The following WDFY3 variants were observed in gnomAD, a reference collection of about 807,000 sequenced individuals.
WDFY3 encodes the protein WD repeat and FYVE domain containing 3, also known as WD repeat and FYVE domain-containing protein 3.
A neutral mutation model predicts 409.6 loss-of-function variants in WDFY3; 66 were observed. The ratio of observed to expected loss-of-function variants is 0.16; its 90% confidence interval spans 0.13 to 0.20. The LOEUF is 0.20. Among genes scored for constraint, WDFY3 ranks in the 10% least tolerant of loss-of-function variants. The pLI is 1.00. For synonymous variants in WDFY3, 1,521 were observed against 1,537.1 expected (o/e 0.99, Z 0.25); for missense variants, 3,031 against 4,298.1 (o/e 0.71, Z 8.24).
chr4:84,670,037 A>C lies in WDFY3; in HGVS notation c.*2831T>G, dbSNP rs1489255568. ...AACAAAATGTATTTAAATGATACAA[A>C]GCAAAAATAAGTTTCTACCAACTTT... On this transcript the variant is annotated 3_prime_UTR_variant, in exon 68 of 68. Transcript: ENST00000295888. 6.6e-6 allele frequency: 1 copy of C among 152,668 alleles called. No individual in the cohort carries two copies. Among genetic ancestry groups the C allele is most frequent in the Non-Finnish European group, 1.5e-5 (1 of 68,042 alleles). 9.5% of individuals were successfully genotyped at this position (152,668 alleles called of 1,614,324 possible). A position where few individuals can be genotyped will look rare whatever the true frequency, so the allele number is the denominator to read the frequency against.
In WDFY3 at chr4:84,733,364, T is replaced by G; in HGVS notation, c.7221+18A>C. ...AACTTGAAAGAGCCATTGTGATCAT[T>G]GAATTCTGCATACTCACCGCCACAT... On this transcript the variant is annotated intron_variant, in intron 44 of 67. Coordinates refer to ENST00000295888, the MANE Select transcript of WDFY3 (RefSeq NM_014991.6). The G allele has an allele frequency of 6.2e-7, 1 of 1,609,244 alleles. No individual in the cohort carries two copies. Among genetic ancestry groups the G allele is most frequent in the Admixed American group, 1.7e-5 (1 of 59,536 alleles).
chr4:84,925,599 T>A (rs1031042727), intron 2 of WDFY3, among the ~76,000 whole-genome samples: 1 of 152,204 alleles, frequency 6.6e-6, no homozygotes, highest in African/African-American at 2.4e-5. Flanking sequence ...TTAACTAGAT[T>A]GTTGTTTGAA....
At chr4:84,808,648 A>G (rs1267590833) in intron 14 of WDFY3, among the ~76,000 whole-genome samples, 1 of 152,218 alleles carries the variant, frequency 6.6e-6, no homozygotes, top group Non-Finnish European at 1.5e-5. Flanking sequence ...CATCTGTTAA[A>G]CAGGGTGCTC....
intron 40 of WDFY3, 103 bp downstream of exon 40, chr4:84,738,907 G>A: frequency 8.7e-7 from 1 of 1,145,838 alleles, no homozygotes; most frequent in South Asian, 1.3e-5. Flanking sequence ...TGGGAGAGTT[G>A]CTATCAATGC....
chr4:84,933,040 T>G (rs553638041), intron 1 of WDFY3, among the ~76,000 whole-genome samples: 1 of 152,290 alleles, frequency 6.6e-6, no homozygotes, highest in East Asian at 1.9e-4. Flanking sequence ...GTCAAACACA[T>G]TTTGGTCCTA....
In WDFY3 at chr4:84,875,302, ACACAG is replaced by A. The variant is rs1354531675; in HGVS notation, c.-31-14685_-31-14681del. Among the ~76,000 whole-genome samples, 41 of 151,732 alleles carry A rather than the reference ACACAG, an allele frequency of 2.7e-4. No homozygotes were observed. In the South Asian group the frequency reaches 8.1e-3, roughly 30 times the overall value. On this transcript the variant is annotated intron_variant, in intron 3 of 67. Coordinates refer to ENST00000295888, the MANE Select transcript of WDFY3 (RefSeq NM_014991.6). ...CACACACACACACACACACACACAC[ACACAG>A]AACATACAGTAAAAATACTGTAGAA...
chr4:84,707,003 C>A (rs941734624), intron 53 of WDFY3, among the ~76,000 whole-genome samples: 13 of 148,870 alleles, frequency 8.7e-5, no homozygotes, highest in African/African-American at 3.2e-4. Flanking sequence ...CAGTGGCACA[C>A]TCTCAGCTCA....
rs1740510796 is a variant in WDFY3 at position 84,751,496 on chromosome 4, T to C, written c.5960A>G (p.Asp1987Gly). The C allele has an allele frequency of 6.2e-7, 1 of 1,613,966 alleles. No individual in the cohort carries two copies. The highest frequency in any genetic ancestry group is 1.7e-5 in the Admixed American group (1 of 59,992). ...CTTTTTCTTTACCTCCAACAAAAGA[T>C]CAATTAGTGGAGTTTGCTTGCTGGC... ...TPASKQTPLIDLLLEASPERS... is the reference protein window; with the variant it reads ...TPASKQTPLIGLLLEASPERS... Residue 1987 changes from aspartate to glycine, a missense_variant, in exon 36 of 68, where the codon GAT becomes GGT. By Grantham distance (94) the Asp-to-Gly change is moderately conservative. Coordinates refer to ENST00000295888, the MANE Select transcript of WDFY3 (RefSeq NM_014991.6).
intron 21 of WDFY3, 122 bp downstream of exon 21, chr4:84,794,397 T>C (rs1292267082): frequency 4.0e-6 from 4 of 989,678 alleles, no homozygotes; most frequent in Non-Finnish European, 5.8e-6. Context: ...TTTATGTAAC[T>C]TGTTCTATGC....
At chr4:84,945,723 G>C (rs551590106) in intron 1 of WDFY3, among the ~76,000 whole-genome samples, 21 of 152,286 alleles carry the variant, frequency 1.4e-4, no homozygotes, top group African/African-American at 5.1e-4. Context: ...GAACACACTG[G>C]ATGTGGGAAC....
chr4:84,923,682 T>C (rs1045842647), intron 2 of WDFY3, among the ~76,000 whole-genome samples: 11 of 152,204 alleles, frequency 7.2e-5, no homozygotes, highest in African/African-American at 1.2e-4. Context: ...GCTGGTTCTA[T>C]ACACCATGCC....
In WDFY3 at chr4:84,741,931, A is replaced by G; in HGVS notation, c.6074-10T>C. The G allele has an allele frequency of 6.4e-7, 1 of 1,569,162 alleles. No individual in the cohort carries two copies. The highest frequency in any genetic ancestry group is 2.3e-5 in the East Asian group (1 of 44,118). ...AGAGATGCATCTTCCCCTAAATTCCAGTAGGAAAAAAAGTCTAAGAAAATT... is the reference window on the plus strand; with the variant it reads ...AGAGATGCATCTTCCCCTAAATTCCGGTAGGAAAAAAAGTCTAAGAAAATT... On this transcript the variant is annotated splice_polypyrimidine_tract_variant and intron_variant, in intron 37 of 67. Transcript: ENST00000295888.
intron 50 of WDFY3, 80 bp from the exon 51 acceptor site, chr4:84,713,319 GT>G: frequency 1.5e-6 from 2 of 1,322,418 alleles, no homozygotes; most frequent in Non-Finnish European, 2.2e-6. Flanking sequence ...AGGACGATTC[GT>G]TTAGATTTTC....
intron 12 of WDFY3, among the ~76,000 whole-genome samples, chr4:84,818,156 C>T (rs1753577893): frequency 6.6e-6 from 1 of 152,102 alleles, no homozygotes. Context: ...TCATCCCCTA[C>T]CATATAGAGG....
At chr4:84,825,727 T>C (rs557773608) in intron 10 of WDFY3, among the ~76,000 whole-genome samples, 1 of 152,222 alleles carries the variant, frequency 6.6e-6, no homozygotes, top group Admixed American at 6.5e-5. Context: ...AAATATGTAT[T>C]ACAAATTTAA....
At chr4:84,868,198 AAAAAAAAAG>A in intron 3 of WDFY3, among the ~76,000 whole-genome samples, 1 of 149,870 alleles carries the variant, frequency 6.7e-6, no homozygotes, top group African/African-American at 2.4e-5. Flanking sequence ...AAAAAAAAAA[AAAAAAAAAG>A]ATTTATAAGC....
intron 10 of WDFY3, among the ~76,000 whole-genome samples, chr4:84,822,780 C>T (rs565583107): frequency 3.7e-4 from 57 of 152,246 alleles, no homozygotes; most frequent in African/African-American, 1.3e-3. Flanking sequence ...CTTAAAAACA[C>T]AGGAAATTTA....
intron 17 of WDFY3, among the ~76,000 whole-genome samples, chr4:84,800,108 T>C (rs1750248921): frequency 6.6e-6 from 1 of 152,186 alleles, no homozygotes; most frequent in South Asian, 2.1e-4. Flanking sequence ...ATGGATGAAG[T>C]GAGTAGGTCC....
At position 84,773,047 on chromosome 4, in the gene WDFY3, T is replaced by C. The variant is rs76311385; in HGVS notation, c.4755-118A>G. 5.5e-6 allele frequency: 4 copies of C among 723,208 alleles called. No homozygotes were observed. In the African/African-American group the frequency reaches 5.6e-5, roughly 10 times the overall value. The allele number at this position is 723,208 out of a possible 1,614,324, so 44.8% of individuals were successfully genotyped here. On this transcript the variant is annotated intron_variant, in intron 29 of 67. Coordinates refer to ENST00000295888, the MANE Select transcript of WDFY3 (RefSeq NM_014991.6). ...AACCAAAACAGTACTTTTTTTTTTT[T>C]TCATAATCTCATTTCATTTTATTCA...
Sources: gnomAD v4.1 joint callset for allele counts (sites outside exome capture counted in the v4.1 genomes callset) on GRCh38, gnomAD v4.1.1 for gene constraint, MANE v1.5 for transcripts, NCBI Gene and HGNC (gene_info 2026-07-23, HGNC 2026-07-21) for gene names.